The following PDCD6IP variants were observed in gnomAD, a reference collection of about 807,000 sequenced individuals.
The protein encoded by PDCD6IP is programmed cell death 6-interacting protein.
In PDCD6IP, 43 loss-of-function variants were observed where a neutral mutation model predicts 103.7. That is an observed-to-expected ratio of 0.41 (90% CI 0.32 to 0.53). The LOEUF (loss-of-function observed/expected upper bound fraction) is 0.53, where lower values mean the gene tolerates loss of function less well. Ranked by LOEUF, PDCD6IP falls within the 20% of genes least tolerant of loss-of-function variation. The probability of loss-of-function intolerance (pLI) is 0.16; values close to 1 mark genes in which losing one functional copy is unlikely to be tolerated. For synonymous variants in PDCD6IP, 354 were observed against 378.7 expected, an observed-to-expected ratio of 0.93 and a Z score of 0.76; for missense variants, 871 against 1,036.7, an observed-to-expected ratio of 0.84 and a Z score of 2.20.
intron 15 of PDCD6IP, among the ~76,000 whole-genome samples, chr3:33,863,635 T>G (rs1378073301): frequency 2.0e-5 from 3 of 152,250 alleles, no homozygotes; most frequent in Non-Finnish European, 2.9e-5. Flanking sequence ...CCATGGTGTA[T>G]ATATACTACA....
intron 11 of PDCD6IP, 91 bp downstream of exon 11, chr3:33,844,314 C>T: frequency 1.6e-6 from 1 of 623,176 alleles, no homozygotes; most frequent in African/African-American, 1.9e-5. Flanking sequence ...GTTGTAAATT[C>T]ATTTTTACCG....
intron 3 of PDCD6IP, among the ~76,000 whole-genome samples, chr3:33,816,503 TAAAAAAAAAAAAAAAA>T (rs57317946): frequency 1.7e-5 from 1 of 57,636 alleles, no homozygotes; most frequent in African/African-American, 6.9e-5. Flanking sequence ...AGATTCTGTC[TAAAAAAAAAAAAAAAA>T]AAAAAAAAAG....
Position 33,838,195 on chromosome 3 carries a change from T to C in PDCD6IP, c.1058-9T>C. ...AAAATTTTGTTGTAATTTCTCTTCC[T>C]AATTTTAGATCTGTTTGAGAAGATG... On this transcript the variant is annotated splice_polypyrimidine_tract_variant and intron_variant, in intron 8 of 17. Coordinates refer to ENST00000307296, the MANE Select transcript of PDCD6IP (RefSeq NM_013374.6). 4 of 1,610,754 alleles carry C rather than the reference T, an allele frequency of 2.5e-6. No homozygotes were observed. Among genetic ancestry groups the C allele is most frequent in the Non-Finnish European group, 3.4e-6 (4 of 1,178,904 alleles).
At chr3:33,814,257 A>G (rs1477897897) in intron 3 of PDCD6IP, among the ~76,000 whole-genome samples, 2 of 148,456 alleles carry the variant, frequency 1.3e-5, no homozygotes, top group Non-Finnish European at 3.0e-5. Flanking sequence ...TGATTCTCCT[A>G]TTCTTCTACC....
intron 5 of PDCD6IP, 146 bp from the exon 6 acceptor site, chr3:33,826,334 T>A: frequency 1.7e-6 from 1 of 600,176 alleles, no homozygotes; most frequent in African/African-American, 1.9e-5. Flanking sequence ...CTATTTTGTC[T>A]GTTCTAAATT....
At chr3:33,856,525 A>G (rs1697832343) in intron 15 of PDCD6IP, among the ~76,000 whole-genome samples, 1 of 152,218 alleles carries the variant, frequency 6.6e-6, no homozygotes, top group Non-Finnish European at 1.5e-5. Flanking sequence ...AATTTCTCTC[A>G]GAAGAAAAAC....
intron 2 of PDCD6IP, 150 bp from the exon 3 acceptor site, chr3:33,813,409 G>A: frequency 3.9e-6 from 2 of 514,030 alleles, no homozygotes; most frequent in Non-Finnish European, 6.9e-6. Flanking sequence ...CAATTTAAAA[G>A]GAGAAGGAAA....
At chr3:33,835,718 TAAAA>T (rs200810016) in intron 7 of PDCD6IP, among the ~76,000 whole-genome samples, 1 of 150,526 alleles carries the variant, frequency 6.6e-6, no homozygotes, top group Non-Finnish European at 1.5e-5. Context: ...AGACTCTGTC[TAAAA>T]AAAAAGAAGG....
Position 33,841,928 on chromosome 3 carries a change from A to G in PDCD6IP, c.1213A>G (p.Ile405Val), listed in dbSNP as rs1697484129. Reference protein sequence around the residue: ...VLASLNLPAAIEDVSGDTVPQ... With the variant: ...VLASLNLPAAVEDVSGDTVPQ... ...AGCTTCCCTTAATCTTCCAGCAGCA[A>G]TTGAAGATGTGTCTGGAGACACTGT... is the stretch of plus-strand genomic sequence containing the variant. The change falls in exon 10 of 18, where the codon ATT (isoleucine) becomes GTT (valine). Residue 405 changes from isoleucine to valine, a missense_variant. Ile to Val is a conservative substitution (Grantham distance 29). This residue lies in a region of PDCD6IP where 266 missense variants were observed against 390.5 expected (regional missense o/e 0.68). Transcript: ENST00000307296. 1 of 1,576,218 alleles carries G rather than the reference A, an allele frequency of 6.3e-7. No homozygotes were observed. The highest frequency in any genetic ancestry group is 8.7e-7 in the Non-Finnish European group (1 of 1,154,494).
At chr3:33,811,011 G>A in intron 1 of PDCD6IP, 1 of 346,454 alleles carries the variant, frequency 2.9e-6, no homozygotes, top group Non-Finnish European at 6.0e-6. Flanking sequence ...TCAGCCTCAT[G>A]AGTAGCTGGG....
In PDCD6IP at chr3:33,828,634, C is replaced by A. The variant is rs1274286150; in HGVS notation, c.718-219C>A. 7 of 328,236 alleles carry A rather than the reference C, an allele frequency of 2.1e-5. No homozygotes were observed. In the East Asian group the frequency reaches 2.6e-4, roughly 12 times the overall value. The allele number at this position is 328,236 out of a possible 1,614,324, so 20.3% of individuals were successfully genotyped here. On this transcript the variant is annotated intron_variant, in intron 6 of 17. Transcript: ENST00000307296. ...GGCTTCAGTTAACAGTTAAAAAAAA[C>A]CCCTTCAATTGGAAGAAAAAAAATT...
chr3:33,845,395 C>T (rs777590714), intron 11 of PDCD6IP, 24 bp from the exon 12 acceptor site: 2 of 1,598,484 alleles, frequency 1.3e-6, no homozygotes, highest in Non-Finnish European at 1.7e-6. Context: ...CTTCTGTGCT[C>T]TGCAAACTTT....
Position 33,822,022 on chromosome 3 carries a change from T to C in PDCD6IP, c.402T>C (p.Ile134=), listed in dbSNP as rs1475003941. Residue 134 remains isoleucine, a synonymous_variant, in exon 4 of 18, where the codon ATT becomes ATC. Coordinates refer to ENST00000307296, the MANE Select transcript of PDCD6IP (RefSeq NM_013374.6). Reference sequence around the variant, plus strand: ...ATTGTGCAGCCTTAGCTAGCCAAATTGCAGCAGAACAGAACCTGGATAATG... The same window carrying C: ...ATTGTGCAGCCTTAGCTAGCCAAATCGCAGCAGAACAGAACCTGGATAATG... The part of the protein sequence containing the change: ...LFNCAALASQ[I]AAEQNLDNDE... 1 of 1,614,142 alleles carries C rather than the reference T, an allele frequency of 6.2e-7. No individual in the cohort carries two copies. Among genetic ancestry groups the C allele is most frequent in the South Asian group, 1.1e-5 (1 of 91,088 alleles).
rs568309048 is a variant in PDCD6IP, at chr3:33,828,712, C to T, written c.718-141C>T. ...ATCATGTCGTCTTCTCTGTTTACAC[C>T]TAATGACTAACCTTAATCTCTAAAC... On this transcript the variant is annotated intron_variant, in intron 6 of 17. Transcript: ENST00000307296. 232 of 724,232 alleles carry T rather than the reference C, an allele frequency of 3.2e-4. No individual in the cohort carries two copies. In the South Asian group the frequency reaches 4.0e-3, roughly 13 times the overall value. The allele number at this position is 724,232 out of a possible 1,614,324, so 44.9% of individuals were successfully genotyped here.
intron 1 of PDCD6IP, among the ~76,000 whole-genome samples, chr3:33,811,652 G>A (rs1483455097): frequency 6.6e-6 from 1 of 152,256 alleles, no homozygotes; most frequent in South Asian, 2.1e-4. Context: ...GTGCTGTGTG[G>A]CAGTGCTGGA....
intron 8 of PDCD6IP, among the ~76,000 whole-genome samples, chr3:33,837,135 G>A (rs553719075): frequency 9.2e-5 from 14 of 152,080 alleles, no homozygotes; most frequent in Admixed American, 4.6e-4. Context: ...GGTCAGGCTG[G>A]CCTGGAACTC....
intron 12 of PDCD6IP, among the ~76,000 whole-genome samples, chr3:33,850,218 G>A (rs1233232085): frequency 6.6e-6 from 1 of 152,154 alleles, no homozygotes. Context: ...TGATTGCACA[G>A]TAACTAAGTC....
chr3:33,832,336 C>T (rs1697261941), intron 7 of PDCD6IP, among the ~76,000 whole-genome samples: 1 of 152,122 alleles, frequency 6.6e-6, no homozygotes, highest in South Asian at 2.1e-4. Context: ...TTCCAAAGGT[C>T]CCATGTTCAA....
At chr3:33,815,324 TAA>T (rs1304031149) in intron 3 of PDCD6IP, among the ~76,000 whole-genome samples, 2 of 152,150 alleles carry the variant, frequency 1.3e-5, no homozygotes, top group Non-Finnish European at 2.9e-5. Flanking sequence ...CCCTCTTATA[TAA>T]TAATAGTGCA....
Sources: allele counts gnomAD v4.1 joint callset (sites outside exome capture counted in the v4.1 genomes callset), GRCh38; gene constraint gnomAD v4.1.1; regional missense constraint gnomAD v4.1.1; transcripts MANE v1.5; gene names NCBI Gene and HGNC (gene_info 2026-07-23, HGNC 2026-07-21).